Variants in PATJ observed in about 807,000 individuals in gnomAD.
PATJ encodes inaD-like protein.
In PATJ, 190 loss-of-function variants were observed where a neutral mutation model predicts 224.9. That is an observed-to-expected ratio of 0.84 (90% CI 0.75 to 0.95). The LOEUF (loss-of-function observed/expected upper bound fraction) is 0.95. Ranked by LOEUF, PATJ falls within the 40% of genes least tolerant of loss-of-function variation. The pLI is 0.00. For synonymous variants in PATJ, 769 were observed against 820.3 expected (o/e 0.94, Z 1.07); for missense variants, 2,121 against 2,270.3 (o/e 0.93, Z 1.34).
intron 26 of PATJ, 49 bp downstream of exon 26, chr1:61,914,713 GT>G: frequency 8.0e-7 from 1 of 1,254,624 alleles, no homozygotes. Context: ...TTTTGTTTTT[GT>G]TTTTGTTTTC....
intron 27 of PATJ, among the ~76,000 whole-genome samples, chr1:61,964,684 G>C (rs1681823937): frequency 6.6e-6 from 1 of 151,938 alleles, no homozygotes; most frequent in Non-Finnish European, 1.5e-5. Context: ...AACTACTGGG[G>C]AGGCTGAGGC....
At chr1:61,799,397 A>G (rs1350176848) in intron 11 of PATJ, among the ~76,000 whole-genome samples, 1 of 152,100 alleles carries the variant, frequency 6.6e-6, no homozygotes, top group African/African-American at 2.4e-5. Context: ...GGGTTTCACT[A>G]TGTTGGCCAG....
At chr1:61,879,967 T>G (rs957704112) in intron 21 of PATJ, among the ~76,000 whole-genome samples, 2 of 151,938 alleles carry the variant, frequency 1.3e-5, no homozygotes, top group African/African-American at 4.8e-5. Flanking sequence ...GCCTCCTGAG[T>G]AGCTGGGATT....
intron 14 of PATJ, among the ~76,000 whole-genome samples, chr1:61,817,798 C>T (rs1656454142): frequency 6.6e-6 from 1 of 152,112 alleles, no homozygotes; most frequent in Non-Finnish European, 1.5e-5. Context: ...TGTGGTTTTC[C>T]ATTACTTTAA....
rs11372619 is a variant in PATJ, at chr1:61,783,745, C to CTTTT, written c.850-3994_850-3991dup. ...GTTTTTTTTTAGCCCAGAGTTGCTA[C>CTTTT]TTTTTTTTTTTTTTTTTTCTGAGAC... On this transcript the variant is annotated intron_variant, in intron 7 of 43. Transcript: ENST00000642238. Among the ~76,000 whole-genome samples, 80 of 117,852 alleles carry CTTTT rather than the reference C, an allele frequency of 6.8e-4. 1 individual carries two copies. The highest frequency in any genetic ancestry group is 2.3e-3 in the African/African-American group (72 of 30,694). The allele number at this position is 117,852 out of a possible 152,430, so 77.3% of individuals were successfully genotyped here.
chr1:61,760,977 TTTTTC>T (rs1169541932), intron 1 of PATJ, among the ~76,000 whole-genome samples: 1 of 151,610 alleles, frequency 6.6e-6, no homozygotes, highest in Non-Finnish European at 1.5e-5. Context: ...AGCTTGGGAA[TTTTTC>T]TTTTATTTTT....
chr1:61,827,639 C>G, intron 16 of PATJ, 56 bp downstream of exon 16: 2 of 1,522,438 alleles, frequency 1.3e-6, no homozygotes, highest in Admixed American at 1.8e-5. Context: ...CAAAGATGCC[C>G]CGAAGACTGT....
At chr1:61,795,099 T>C (rs1320973006) in intron 9 of PATJ, among the ~76,000 whole-genome samples, 3 of 101,206 alleles carry the variant, frequency 3.0e-5, no homozygotes, top group East Asian at 2.9e-4. Context: ...ATAGTGATGG[T>C]AAAAAAAAAA....
intron 31 of PATJ, among the ~76,000 whole-genome samples, chr1:62,060,182 T>C (rs979535907): frequency 1.6e-4 from 24 of 152,128 alleles, no homozygotes; most frequent in Admixed American, 9.8e-4. Context: ...ACTGTTGCTC[T>C]CCACCTCTGT....
At chr1:61,836,155 G>A (rs1488041697) in intron 17 of PATJ, among the ~76,000 whole-genome samples, 2 of 152,060 alleles carry the variant, frequency 1.3e-5, no homozygotes, top group African/African-American at 4.8e-5. Flanking sequence ...TGAGCTTTAC[G>A]CTTAAAAACA....
At chr1:62,074,214 G>A in intron 31 of PATJ, among the ~76,000 whole-genome samples, 1 of 134,672 alleles carries the variant, frequency 7.4e-6, no homozygotes, top group Admixed American at 7.9e-5. Flanking sequence ...AAAAATAGTG[G>A]GGGGAGGGGG....
At chr1:61,950,824 C>CA (rs1334753289) in intron 27 of PATJ, among the ~76,000 whole-genome samples, 1 of 152,120 alleles carries the variant, frequency 6.6e-6, no homozygotes, top group African/African-American at 2.4e-5. Context: ...TCATTTCCTA[C>CA]ACAATCATCC....
At chr1:62,019,024 C>A (rs555797250) in intron 29 of PATJ, among the ~76,000 whole-genome samples, 1 of 152,212 alleles carries the variant, frequency 6.6e-6, no homozygotes, top group South Asian at 2.1e-4. Context: ...CTGAGGATCA[C>A]CTGAGATTAG....
chr1:62,094,903 A>G (rs1661217584), intron 33 of PATJ, among the ~76,000 whole-genome samples: 2 of 152,118 alleles, frequency 1.3e-5, no homozygotes, highest in South Asian at 2.1e-4. Context: ...GATTTTGGGG[A>G]AAATCTGTGC....
chr1:61,920,837 G>A (rs1275410997), intron 26 of PATJ, among the ~76,000 whole-genome samples: 1 of 150,552 alleles, frequency 6.6e-6, no homozygotes, highest in Non-Finnish European at 1.5e-5. Context: ...CTCCTGAGTA[G>A]CTGGGATTAC....
intron 15 of PATJ, among the ~76,000 whole-genome samples, chr1:61,823,725 C>T (rs2148727764): frequency 6.6e-6 from 1 of 152,232 alleles, no homozygotes; most frequent in African/African-American, 2.4e-5. Flanking sequence ...TCCCATGGGC[C>T]TTGATTTTAG....
At chr1:62,139,756 T>C (rs920246504) in intron 41 of PATJ, among the ~76,000 whole-genome samples, 2 of 135,264 alleles carry the variant, frequency 1.5e-5, no homozygotes, top group South Asian at 4.6e-4. Flanking sequence ...AAAGTCATTC[T>C]TTTTTTTTTT....
intron 31 of PATJ, among the ~76,000 whole-genome samples, chr1:62,074,831 G>C (rs1658030789): frequency 1.3e-5 from 2 of 152,102 alleles, no homozygotes; most frequent in African/African-American, 4.8e-5. Context: ...AGGCGTGGTG[G>C]CAGCTGCCTG....
chr1:61,982,448 G>A (rs1388477230), intron 27 of PATJ, among the ~76,000 whole-genome samples: 1 of 151,960 alleles, frequency 6.6e-6, no homozygotes, highest in Non-Finnish European at 1.5e-5. Context: ...CCTGACATTG[G>A]CCAGGTCACC....
Sources: allele counts gnomAD v4.1 joint callset (sites outside exome capture counted in the v4.1 genomes callset), GRCh38; gene constraint gnomAD v4.1.1; transcripts MANE v1.5; gene names NCBI Gene and HGNC (gene_info 2026-07-23, HGNC 2026-07-21).